IL1RAPL2: variants seen among roughly 807,000 people sequenced by gnomAD.
IL1RAPL2 encodes the protein interleukin 1 receptor accessory protein like 2.
A neutral mutation model predicts 44.1 loss-of-function variants in IL1RAPL2; 3 were observed. That is an observed-to-expected ratio of 0.07 (90% CI 0.03 to 0.18). The LOEUF (loss-of-function observed/expected upper bound fraction) is 0.18, where lower values mean the gene tolerates loss of function less well. IL1RAPL2 is among the 10% of genes least tolerant of loss of function. The pLI, the probability that IL1RAPL2 is intolerant of heterozygous loss-of-function variation, is 1.00. For missense variants in IL1RAPL2, 391 were observed against 496.4 expected, an observed-to-expected ratio of 0.79 and a Z score of 2.02; for synonymous variants, 181 against 178.8, an observed-to-expected ratio of 1.01 and a Z score of -0.10.
intron 2 of IL1RAPL2, among the ~76,000 whole-genome samples, chrX:105,077,992 C>G (rs1259057355): frequency 9.0e-6 from 1 of 111,555 alleles, no homozygotes; most frequent in East Asian, 2.8e-4. Flanking sequence ...GAACTTCCTC[C>G]TTTAGCTTGG....
chrX:105,402,711 T>A (rs1385916839), intron 5 of IL1RAPL2, among the ~76,000 whole-genome samples: 1 of 111,487 alleles, frequency 9.0e-6, no homozygotes, highest in African/African-American at 3.3e-5. Flanking sequence ...TTAGGGTGCG[T>A]TAAAAATATT....
intron 2 of IL1RAPL2, among the ~76,000 whole-genome samples, chrX:105,029,688 T>C (rs901906761): frequency 9.1e-5 from 10 of 110,134 alleles, no homozygotes; most frequent in Non-Finnish European, 1.7e-4. Context: ...TCTTTGCTAT[T>C]GTGAATAGTG....
chrX:104,886,162 A>T (rs1012929793), intron 2 of IL1RAPL2, among the ~76,000 whole-genome samples: 1 of 112,943 alleles, frequency 8.9e-6, no homozygotes, highest in Non-Finnish European at 1.9e-5. Flanking sequence ...CTCAGTTGTA[A>T]TTGGGAGACT....
At chrX:105,349,181 A>G (rs1448073518) in intron 5 of IL1RAPL2, among the ~76,000 whole-genome samples, 1 of 112,042 alleles carries the variant, frequency 8.9e-6, no homozygotes, top group African/African-American at 3.2e-5. Flanking sequence ...AGCCATGTGT[A>G]ACTGACTTGT....
intron 6 of IL1RAPL2, among the ~76,000 whole-genome samples, chrX:105,615,318 C>T (rs942428721): frequency 1.8e-5 from 2 of 111,672 alleles, no homozygotes; most frequent in African/African-American, 6.5e-5. Flanking sequence ...ATCCAACAAT[C>T]CCACTGCTGT....
At chrX:105,677,448 A>G (rs994862714) in intron 6 of IL1RAPL2, among the ~76,000 whole-genome samples, 1 of 112,371 alleles carries the variant, frequency 8.9e-6, no homozygotes, top group Non-Finnish European at 1.9e-5. Context: ...ACTCCTAATC[A>G]CCAGGCTCTA....
At chrX:104,875,029 A>G (rs765503939) in intron 2 of IL1RAPL2, among the ~76,000 whole-genome samples, 1 of 111,591 alleles carries the variant, frequency 9.0e-6, no homozygotes, top group Non-Finnish European at 1.9e-5. Flanking sequence ...CATCTGAAAA[A>G]TGGGATATTA....
chrX:104,745,268 G>A (rs1278365413), intron 2 of IL1RAPL2, among the ~76,000 whole-genome samples: 4 of 111,208 alleles, frequency 3.6e-5, no homozygotes, highest in Non-Finnish European at 7.6e-5. Flanking sequence ...CCCTTTAATA[G>A]GGTAGATCAG....
At chrX:105,031,252 T>C (rs1276574611) in intron 2 of IL1RAPL2, among the ~76,000 whole-genome samples, 2 of 107,317 alleles carry the variant, frequency 1.9e-5, no homozygotes, top group Non-Finnish European at 3.8e-5. Flanking sequence ...TCCTGCCTAA[T>C]TGCCCTGGCC....
intron 5 of IL1RAPL2, among the ~76,000 whole-genome samples, chrX:105,353,811 A>G (rs1322830117): frequency 4.5e-5 from 5 of 111,660 alleles, no homozygotes; most frequent in Non-Finnish European, 9.4e-5. Context: ...GAAGTTGCCT[A>G]TCAGCTTAAG....
intron 5 of IL1RAPL2, among the ~76,000 whole-genome samples, chrX:105,363,308 A>AAT (rs1219827978): frequency 0.023 from 1,542 of 68,442 alleles, 21 homozygotes; most frequent in African/African-American, 0.039. Flanking sequence ...ATATATATAT[A>AAT]ATATATATAT....
At chrX:105,358,785 T>A (rs2035226485) in intron 5 of IL1RAPL2, among the ~76,000 whole-genome samples, 1 of 111,303 alleles carries the variant, frequency 9.0e-6, no homozygotes, top group Admixed American at 9.5e-5. Flanking sequence ...CAATCCAGAA[T>A]CTTCATCGAA....
At chrX:105,263,136 C>G (rs1218998583) in intron 4 of IL1RAPL2, among the ~76,000 whole-genome samples, 1 of 110,551 alleles carries the variant, frequency 9.0e-6, no homozygotes. Flanking sequence ...CCACCCGCCT[C>G]GGCCTCCCAA....
chrX:105,659,423 C>T (rs1030472206), intron 6 of IL1RAPL2, among the ~76,000 whole-genome samples: 2 of 110,266 alleles, frequency 1.8e-5, no homozygotes, highest in Non-Finnish European at 3.8e-5. Flanking sequence ...TTTGGGAGGC[C>T]GAGGCGGGCG....
rs139619454 is a variant in IL1RAPL2, at chrX:105,134,304, G to A, written c.83-61171G>A. 4.8e-4 allele frequency among the ~76,000 whole-genome samples: 54 copies of A among 112,170 alleles called. 1 individual carries two copies. The East Asian group carries it at 0.015, about 31-fold the overall frequency. On this transcript the variant is annotated intron_variant, in intron 2 of 10. Transcript: ENST00000372582. ...TCTTATCAAATAAATAAAAGTTGTA[G>A]AACCAGTAGTCATGTAGACACAGCC...
intron 2 of IL1RAPL2, among the ~76,000 whole-genome samples, chrX:105,025,057 G>A (rs2031344950): frequency 9.1e-6 from 1 of 109,382 alleles, no homozygotes; most frequent in African/African-American, 3.3e-5. Context: ...GTATTGTAGG[G>A]GGATTATTAT....
chrX:105,189,189 G>GT (rs782331897), intron 2 of IL1RAPL2, among the ~76,000 whole-genome samples: 1 of 112,640 alleles, frequency 8.9e-6, no homozygotes, highest in African/African-American at 3.2e-5. Context: ...CTATATTTCT[G>GT]TTTTTTTAAG....
intron 2 of IL1RAPL2, among the ~76,000 whole-genome samples, chrX:105,070,513 G>A (rs1043087114): frequency 2.4e-4 from 26 of 109,671 alleles, no homozygotes; most frequent in African/African-American, 8.3e-4. Flanking sequence ...GACCAACATG[G>A]TGAATCCCCG....
At chrX:104,677,718 A>T (rs953753857) in intron 2 of IL1RAPL2, among the ~76,000 whole-genome samples, 4 of 110,959 alleles carry the variant, frequency 3.6e-5, no homozygotes, top group African/African-American at 1.3e-4. Context: ...TTGCAGTTTG[A>T]TCTCAGACTG....
Sources: gnomAD v4.1 joint callset for allele counts (sites outside exome capture counted in the v4.1 genomes callset) on GRCh38, gnomAD v4.1.1 for gene constraint, MANE v1.5 for transcripts, NCBI Gene and HGNC (gene_info 2026-07-23, HGNC 2026-07-21) for gene names.